Variants in NALF1 observed in about 807,000 individuals in gnomAD.
NALF1 encodes the protein NALCN channel auxiliary factor 1, also known as family with sequence similarity 155 member A.
Under a neutral mutation model 48.4 loss-of-function variants are expected in NALF1, and 3 were observed. That is an observed-to-expected ratio of 0.06 (90% CI 0.03 to 0.16). The LOEUF is 0.16. Among genes scored for constraint, NALF1 ranks in the 10% least tolerant of loss-of-function variants. NALF1 has a pLI of 1.00. For synonymous variants in NALF1, 262 were observed against 245.7 expected, an observed-to-expected ratio of 1.07 and a Z score of -0.62; for missense variants, 526 against 571.5, an observed-to-expected ratio of 0.92 and a Z score of 0.81.
At position 107,169,682 on chromosome 13, in the gene NALF1, T is replaced by C. The variant is rs1465600050; in HGVS notation, c.*815A>G. ...TTTTGTTTTCAACATAAAAATGTGT[T>C]AACTGTCTGATTCCACCTATTATGG... On this transcript the variant is annotated 3_prime_UTR_variant, in exon 3 of 3. Coordinates refer to ENST00000375915, the MANE Select transcript of NALF1 (RefSeq NM_001080396.3). 1 of 152,630 alleles carries C rather than the reference T, an allele frequency of 6.6e-6. No homozygotes were observed. The highest frequency in any genetic ancestry group is 2.4e-5 in the African/African-American group (1 of 41,454). 9.5% of individuals were successfully genotyped at this position (152,630 alleles called of 1,614,324 possible).
At chr13:107,366,163 G>A (rs1883148178) in intron 1 of NALF1, among the ~76,000 whole-genome samples, 1 of 152,156 alleles carries the variant, frequency 6.6e-6, no homozygotes, top group Admixed American at 6.5e-5. Flanking sequence ...AGAGAGTATA[G>A]CACCCTTATT....
intron 1 of NALF1, among the ~76,000 whole-genome samples, chr13:107,823,394 C>A (rs754292795): frequency 3.3e-5 from 5 of 152,178 alleles, no homozygotes; most frequent in Non-Finnish European, 5.9e-5. Context: ...CTGCCCCTGG[C>A]TGACATTTGT....
At chr13:107,691,467 C>A (rs555364758) in intron 1 of NALF1, among the ~76,000 whole-genome samples, 35 of 152,318 alleles carry the variant, frequency 2.3e-4, no homozygotes, top group African/African-American at 8.2e-4. Flanking sequence ...ATGGCCCACA[C>A]GCCCTTTGCC....
At chr13:107,384,080 C>T (rs1274898710) in intron 1 of NALF1, among the ~76,000 whole-genome samples, 1 of 152,030 alleles carries the variant, frequency 6.6e-6, no homozygotes, top group Non-Finnish European at 1.5e-5. Context: ...AAGGTCCCAT[C>T]TCTATAAAAG....
At chr13:107,575,663 C>T (rs1878118533) in intron 1 of NALF1, among the ~76,000 whole-genome samples, 1 of 152,118 alleles carries the variant, frequency 6.6e-6, no homozygotes, top group South Asian at 2.1e-4. Flanking sequence ...CCTTTCTCTC[C>T]CATTTTTCCA....
intron 1 of NALF1, among the ~76,000 whole-genome samples, chr13:107,225,828 C>G (rs79373230): frequency 6.6e-6 from 1 of 151,992 alleles, no homozygotes; most frequent in Non-Finnish European, 1.5e-5. Flanking sequence ...CACACACGCA[C>G]GCACACACAC....
intron 1 of NALF1, among the ~76,000 whole-genome samples, chr13:107,691,704 T>A (rs1449239403): frequency 6.6e-6 from 1 of 152,040 alleles, no homozygotes; most frequent in Non-Finnish European, 1.5e-5. Flanking sequence ...TACACCAATG[T>A]GAAAATGAGA....
At position 107,644,642 on chromosome 13, in the gene NALF1, C is replaced by CATATATATATATATATATATATAT. The variant is rs371201609; in HGVS notation, c.915+221039_915+221040insATATATATATATATATATATATAT. 7.2e-3 allele frequency among the ~76,000 whole-genome samples: 663 copies of CATATATATATATATATATATATAT among 91,750 alleles called. 22 individuals carry two copies. Among genetic ancestry groups the CATATATATATATATATATATATAT allele is most frequent in the East Asian group, 0.01 (20 of 1,906 alleles). The allele number at this position is 91,750 out of a possible 152,430, so 60.2% of individuals were successfully genotyped here. On this transcript the variant is annotated intron_variant, in intron 1 of 2. Transcript: ENST00000375915. ...GTGTGTGTGTATACATACATACATA[C>CATATATATATATATATATATATAT]ATACATATATATATATATATATATG...
rs368147748 is a variant in NALF1, at chr13:107,513,567, T to C, written c.916-302812A>G. On this transcript the variant is annotated intron_variant, in intron 1 of 2. Transcript: ENST00000375915. ...TTGCAATAGAGGAAGGAAGTGTCTT[T>C]GAAGGATGAAGGTAAACGTAATAAT... Among the ~76,000 whole-genome samples, 12 of 151,908 alleles carry C rather than the reference T, an allele frequency of 7.9e-5. No individual in the cohort carries two copies. The East Asian group carries it at 2.1e-3, about 27-fold the overall frequency.
At chr13:107,327,928 CTTTTTTT>C (rs140017313) in intron 1 of NALF1, among the ~76,000 whole-genome samples, 9 of 148,740 alleles carry the variant, frequency 6.1e-5, no homozygotes, top group African/African-American at 1.7e-4. Context: ...TTACTTTTTC[CTTTTTTT>C]TTTAAGACAG....
At chr13:107,802,436 A>T (rs1594277850) in intron 1 of NALF1, among the ~76,000 whole-genome samples, 1 of 152,328 alleles carries the variant, frequency 6.6e-6, no homozygotes, top group East Asian at 1.9e-4. Context: ...CATATTATTT[A>T]TAAATTATGG....
intron 1 of NALF1, among the ~76,000 whole-genome samples, chr13:107,627,690 G>C (rs918387310): frequency 2.6e-5 from 4 of 152,040 alleles, no homozygotes; most frequent in Non-Finnish European, 5.9e-5. Flanking sequence ...CAAATGGAGA[G>C]AGAACTGCAG....
At chr13:107,841,632 T>A (rs2138635362) in intron 1 of NALF1, among the ~76,000 whole-genome samples, 1 of 148,604 alleles carries the variant, frequency 6.7e-6, no homozygotes, top group East Asian at 2.1e-4. Context: ...AATGCTGGAA[T>A]ATCCTTAAAA....
intron 1 of NALF1, among the ~76,000 whole-genome samples, chr13:107,345,745 T>A (rs1882759549): frequency 6.6e-6 from 1 of 152,150 alleles, no homozygotes. Context: ...TTATTAACTG[T>A]AACTCTGAAA....
chr13:107,841,524 A>C (rs1157418763), intron 1 of NALF1, among the ~76,000 whole-genome samples: 1 of 152,150 alleles, frequency 6.6e-6, no homozygotes, highest in East Asian at 1.9e-4. Flanking sequence ...TAAATATTAT[A>C]AGTCATGGAT....
At chr13:107,832,782 T>C (rs1879778751) in intron 1 of NALF1, among the ~76,000 whole-genome samples, 1 of 152,222 alleles carries the variant, frequency 6.6e-6, no homozygotes, top group Admixed American at 6.5e-5. Flanking sequence ...AAGAATCTCC[T>C]AAGTGACCTT....
intron 1 of NALF1, among the ~76,000 whole-genome samples, chr13:107,249,655 T>C (rs114492893): frequency 2.0e-5 from 3 of 152,248 alleles, no homozygotes; most frequent in Admixed American, 6.5e-5. Flanking sequence ...ATTTTCACTA[T>C]GACATAGATA....
At chr13:107,326,346 T>C (rs897404947) in intron 1 of NALF1, among the ~76,000 whole-genome samples, 7 of 152,116 alleles carry the variant, frequency 4.6e-5, no homozygotes, top group Non-Finnish European at 7.4e-5. Context: ...CGGGCATTCC[T>C]GGTGCGTGAA....
At chr13:107,507,551 C>CATCTCCCA (rs1160564935) in intron 1 of NALF1, among the ~76,000 whole-genome samples, 2 of 117,282 alleles carry the variant, frequency 1.7e-5, no homozygotes, top group Non-Finnish European at 3.4e-5. Flanking sequence ...TTATTTTAAA[C>CATCTCCCA]ATCTCCCATC....
Sources: gnomAD v4.1 joint callset for allele counts (sites outside exome capture counted in the v4.1 genomes callset) on GRCh38, gnomAD v4.1.1 for gene constraint, MANE v1.5 for transcripts, NCBI Gene and HGNC (gene_info 2026-07-23, HGNC 2026-07-21) for gene names.